Variants in RAPH1 observed in about 807,000 individuals in gnomAD.
The protein encoded by RAPH1 is ras-associated and pleckstrin homology domains-containing protein 1.
RAPH1 carries 18 observed loss-of-function variants against 88.1 expected under a neutral mutation model. The ratio of observed to expected loss-of-function variants is 0.20; its 90% confidence interval spans 0.14 to 0.30. The LOEUF (loss-of-function observed/expected upper bound fraction) is 0.30, where lower values mean the gene tolerates loss of function less well. RAPH1 is among the 10% of genes least tolerant of loss of function. RAPH1 has a pLI of 1.00. For synonymous variants in RAPH1, 587 were observed against 559.0 expected (o/e 1.05, Z -0.71); for missense variants, 1,448 against 1,543.2 (o/e 0.94, Z 1.03).
rs556670971 is a variant in RAPH1, at chr2:203,489,786, T to C, written c.530A>G (p.Glu177Gly). 13 of 1,614,236 alleles carry C rather than the reference T, an allele frequency of 8.1e-6. No individual in the cohort carries two copies. The change falls in exon 4 of 14, where the codon GAA becomes GGA. Residue 177 changes from glutamate to glycine, a missense_variant. Glu to Gly is a moderately conservative substitution (Grantham distance 98, BLOSUM62 -2). Around this residue, in one of 2 missense-constraint regions of RAPH1, gnomAD observed 513 missense variants for 653.1 expected, o/e 0.79. Transcript: ENST00000319170. Reference sequence around the variant, plus strand: ...ATTAGTTACTAAGGGTTTAGTATCTTCTAGTACAGATTGCTGAGCAGCCTC... The same window carrying C: ...ATTAGTTACTAAGGGTTTAGTATCTCCTAGTACAGATTGCTGAGCAGCCTC... ...MDEAAQQSVL[E>G]DTKPLVTNQH...
At chr2:203,470,890 C>G (rs1174854298) in intron 4 of RAPH1, among the ~76,000 whole-genome samples, 1 of 152,072 alleles carries the variant, frequency 6.6e-6, no homozygotes, top group East Asian at 1.9e-4. Context: ...TCATTATTAT[C>G]AGAATAAAAA....
chr2:203,499,047 G>T (rs1176860636), intron 1 of RAPH1, among the ~76,000 whole-genome samples: 4 of 151,806 alleles, frequency 2.6e-5, no homozygotes, highest in Non-Finnish European at 5.9e-5. Context: ...CTGGGTTTGT[G>T]TAAGTACAAT....
intron 12 of RAPH1, chr2:203,445,828 C>CTAATAAATAATATTTATTTA (rs2098509019): frequency 6.6e-6 from 1 of 152,006 alleles, no homozygotes; most frequent in Non-Finnish European, 1.5e-5. Context: ...TAAATATTTT[C>CTAATAAATAATATTTATTTA]TTAGAATAGT....
chr2:203,455,506 C>A lies in RAPH1; in HGVS notation c.1233G>T (p.Lys411Asn). 1 of 1,613,972 alleles carries A rather than the reference C, an allele frequency of 6.2e-7. No individual in the cohort carries two copies. The highest frequency in any genetic ancestry group is 8.5e-7 in the Non-Finnish European group (1 of 1,179,886). The change falls in exon 9 of 14, where the codon AAG becomes AAT. Residue 411 changes from lysine (K) to asparagine (N), a missense_variant. Lys to Asn is a moderately conservative substitution (Grantham distance 94). Coordinates refer to ENST00000319170, the MANE Select transcript of RAPH1 (RefSeq NM_213589.3). ...AGAGAAAATAACGCTTTTTCCAGGA[C>A]TTCTTGCCATCATCCTTCAACCAAA... ...GVLWLKDDGKKSWKKRYFLLR... is the reference protein window; with the variant it reads ...GVLWLKDDGKNSWKKRYFLLR...
intron 1 of RAPH1, among the ~76,000 whole-genome samples, chr2:203,501,892 G>A (rs1163037673): frequency 1.3e-5 from 2 of 151,266 alleles, no homozygotes; most frequent in Non-Finnish European, 2.9e-5. Flanking sequence ...AACTGTGGGA[G>A]AACAGGGCTC....
At position 203,439,193 on chromosome 2, in the gene RAPH1, G is replaced by T. The variant is rs548100100; in HGVS notation, c.*244C>A. On this transcript the variant is annotated 3_prime_UTR_variant, in exon 14 of 14. Transcript: ENST00000319170. The stretch of plus-strand genomic sequence containing the variant: ...CCATTTTCAGATTAGGAGAGAAAAG[G>T]AATAAATAGAATAACTCTCAGCTCT... 10 of 415,254 alleles carry T rather than the reference G, an allele frequency of 2.4e-5. No individual in the cohort carries two copies. Among genetic ancestry groups the T allele is most frequent in the African/African-American group, 1.9e-4 (10 of 51,400 alleles). 25.7% of individuals were successfully genotyped at this position (415,254 alleles called of 1,614,324 possible). A position where few individuals can be genotyped will look rare whatever the true frequency, so the allele number is the denominator to read the frequency against.
chr2:203,445,477 A>C (rs2153635470), intron 12 of RAPH1: 1 of 153,882 alleles, frequency 6.5e-6, no homozygotes, highest in Non-Finnish European at 1.4e-5. Flanking sequence ...TCTAGCAATG[A>C]GCAATACTTA....
intron 1 of RAPH1, among the ~76,000 whole-genome samples, chr2:203,532,588 ACT>A (rs960658600): frequency 3.9e-5 from 6 of 152,306 alleles, no homozygotes; most frequent in Admixed American, 1.3e-4. Context: ...CAAATAATAG[ACT>A]CTATTTCATA....
chr2:203,496,123 C>T (rs768710081), intron 1 of RAPH1, among the ~76,000 whole-genome samples: 11 of 151,998 alleles, frequency 7.2e-5, no homozygotes, highest in African/African-American at 1.7e-4. Flanking sequence ...TTTGGGAGGC[C>T]GAGGCGGGTG....
intron 4 of RAPH1, among the ~76,000 whole-genome samples, chr2:203,486,453 C>T (rs1365982466): frequency 2.0e-5 from 3 of 152,106 alleles, no homozygotes; most frequent in Admixed American, 2.0e-4. Context: ...CTATACCCTC[C>T]ATCTTCTGGA....
chr2:203,498,879 G>A (rs1016105006), intron 1 of RAPH1, among the ~76,000 whole-genome samples: 1 of 152,082 alleles, frequency 6.6e-6, no homozygotes, highest in African/African-American at 2.4e-5. Flanking sequence ...CTGCTTATAC[G>A]GTGGTCCCAT....
intron 4 of RAPH1, chr2:203,476,960 T>C: frequency 1.4e-6 from 1 of 701,202 alleles, no homozygotes; most frequent in Non-Finnish European, 2.4e-6. Context: ...TTTATTAAGT[T>C]TGGTTTAATT....
intron 4 of RAPH1, among the ~76,000 whole-genome samples, chr2:203,476,296 G>A (rs1208740564): frequency 6.6e-6 from 1 of 151,964 alleles, no homozygotes; most frequent in African/African-American, 2.4e-5. Context: ...TCAGCCTCCT[G>A]AGTAGCTGGG....
chr2:203,462,168 G>C (rs1239811702), intron 4 of RAPH1, among the ~76,000 whole-genome samples: 1 of 152,176 alleles, frequency 6.6e-6, no homozygotes, highest in East Asian at 1.9e-4. Flanking sequence ...AGGAAAAAAA[G>C]AACTCTGTGA....
At chr2:203,486,481 T>C (rs1349528704) in intron 4 of RAPH1, among the ~76,000 whole-genome samples, 3 of 152,102 alleles carry the variant, frequency 2.0e-5, no homozygotes, top group African/African-American at 7.2e-5. Flanking sequence ...GAGAAGTCAA[T>C]AGGTAATACA....
chr2:203,500,255 G>C (rs930828358), intron 1 of RAPH1, among the ~76,000 whole-genome samples: 5 of 152,230 alleles, frequency 3.3e-5, no homozygotes, highest in Middle Eastern at 3.2e-3. Flanking sequence ...AAGTGGTGAT[G>C]CTTCAGTGGA....
At chr2:203,457,628 GGA>G in intron 7 of RAPH1, 33 bp from the exon 8 acceptor site, 1 of 1,488,816 alleles carries the variant, frequency 6.7e-7, no homozygotes, top group South Asian at 1.1e-5. Flanking sequence ...GGGATGGGTG[GGA>G]GAGAAAAAAA....
chr2:203,441,348 C>T lies in RAPH1; in HGVS notation c.1842G>A (p.Lys614=), dbSNP rs759127407. Residue 614 remains lysine (K), a synonymous_variant, in exon 14 of 14, where the codon AAG becomes AAA. Transcript: ENST00000319170. ...GTGAAGCAGTGTAGGGGGTGACTAT[C>T]TTAGGTTGCGGGGATAAAGGGGGCA... ...SLVPPLSPQP[K]IVTPYTASQP... 1.9e-6 allele frequency: 3 copies of T among 1,575,440 alleles called. No individual in the cohort carries two copies. The highest frequency in any genetic ancestry group is 2.6e-6 in the Non-Finnish European group (3 of 1,162,764).
chr2:203,493,983 A>G (rs1261581878), intron 2 of RAPH1, among the ~76,000 whole-genome samples: 1 of 148,964 alleles, frequency 6.7e-6, no homozygotes, highest in Admixed American at 6.7e-5. Context: ...AAAAAAAAAA[A>G]AAAAAAAAAA....
Sources: gnomAD v4.1 joint callset for allele counts (sites outside exome capture counted in the v4.1 genomes callset) on GRCh38, gnomAD v4.1.1 for gene constraint, gnomAD v4.1.1 regional missense constraint, MANE v1.5 for transcripts, NCBI Gene and HGNC (gene_info 2026-07-23, HGNC 2026-07-21) for gene names.